Variants in FBH1 observed in about 807,000 individuals in gnomAD.
FBH1 encodes DNA 3'-5' helicase 1.
In FBH1, 43 loss-of-function variants were observed where a neutral mutation model predicts 115.5. That is an observed-to-expected ratio of 0.37 (90% CI 0.29 to 0.48). The LOEUF is 0.48. Among genes scored for constraint, FBH1 ranks in the 20% least tolerant of loss-of-function variants. The pLI, the probability that FBH1 is intolerant of heterozygous loss-of-function variation, is 0.99. For missense variants in FBH1, 1,001 were observed against 1,337.3 expected, an observed-to-expected ratio of 0.75 and a Z score of 3.92; for synonymous variants, 524 against 507.8, an observed-to-expected ratio of 1.03 and a Z score of -0.43.
Position 5,923,097 on chromosome 10 carries a change from G to A in FBH1, c.2323-524G>A, listed in dbSNP as rs899963964. Among the ~76,000 whole-genome samples, 7 of 152,164 alleles carry A rather than the reference G, an allele frequency of 4.6e-5. No individual in the cohort carries two copies. Among genetic ancestry groups the A allele is most frequent in the Non-Finnish European group, 8.8e-5 (6 of 68,038 alleles). The stretch of plus-strand genomic sequence containing the variant: ...GGGGTTTCACCATGTTGGCCAGGCT[G>A]GTCTTGAACTCCTGGCCTCAAGTGA... On this transcript the variant is annotated intron_variant, in intron 15 of 20. Coordinates refer to ENST00000362091, the MANE Select transcript of FBH1 (RefSeq NM_178150.3). This position sits in a 1 kb window ranked among gnomAD's most constrained non-coding sequence, Gnocchi z 5.7.
intron 15 of FBH1, among the ~76,000 whole-genome samples, chr10:5,922,497 G>T (rs998174969): frequency 6.6e-6 from 1 of 152,218 alleles, no homozygotes; most frequent in Non-Finnish European, 1.5e-5. Context: ...TGTTGTAAGA[G>T]TAGTATTTTT....
Position 5,933,841 on chromosome 10 carries a change from G to T in FBH1, c.2830-2615G>T, listed in dbSNP as rs1333693337. 1.3e-5 allele frequency among the ~76,000 whole-genome samples: 2 copies of T among 151,770 alleles called. No individual in the cohort carries two copies. Among genetic ancestry groups the T allele is most frequent in the Non-Finnish European group, 1.5e-5 (1 of 67,956 alleles). ...TTGGTATTTTTTTTTTGTTAAAGAC[G>T]AGGTTTCACCATGTTGGCCAGGCTG... is the stretch of plus-strand genomic sequence containing the variant. On this transcript the variant is annotated intron_variant, in intron 19 of 20. Coordinates refer to ENST00000362091, the MANE Select transcript of FBH1 (RefSeq NM_178150.3). The surrounding 1 kb of genome is among the most constrained non-coding windows in gnomAD (Gnocchi z 4.9).
chr10:5,895,054 A>C lies in FBH1; in HGVS notation c.1+4708A>C. 6.2e-7 allele frequency: 1 copy of C among 1,609,264 alleles called. No individual in the cohort carries two copies. Among genetic ancestry groups the C allele is most frequent in the Non-Finnish European group, 8.5e-7 (1 of 1,176,982 alleles). On this transcript the variant is annotated intron_variant, in intron 1 of 20. Coordinates refer to ENST00000362091, the MANE Select transcript of FBH1 (RefSeq NM_178150.3). This position sits in a 1 kb window ranked among gnomAD's most constrained non-coding sequence, Gnocchi z 5.0. ...TGAAATTGGGCCATTCCCGTTTCAC[A>C]GGCTGCCATTGGACCTGTCAAGTGC...
In FBH1 at chr10:5,917,349, A is replaced by C; in HGVS notation, c.1789-71A>C. On this transcript the variant is annotated intron_variant, in intron 10 of 20. Transcript: ENST00000362091. The surrounding 1 kb of genome is among the most constrained non-coding windows in gnomAD (Gnocchi z 5.6). The stretch of plus-strand genomic sequence containing the variant: ...TGGCTCCACTGCTGTATGGGAGTTG[A>C]CAGTGTGACCGCAGGGTGCTGCCTT... 1 of 1,285,914 alleles carries C rather than the reference A, an allele frequency of 7.8e-7. No individual in the cohort carries two copies. Among genetic ancestry groups the C allele is most frequent in the Non-Finnish European group, 1.1e-6 (1 of 892,594 alleles). The allele number at this position is 1,285,914 out of a possible 1,614,324, so 79.7% of individuals were successfully genotyped here.
At chr10:5,934,323 G>T (rs1833172002) in intron 19 of FBH1, 1 of 149,908 alleles carries the variant, frequency 6.7e-6, no homozygotes, top group South Asian at 2.1e-4. Flanking sequence ...TTATTACATT[G>T]TTGAGGTGTT....
chr10:5,910,208 G>T lies in FBH1; in HGVS notation c.1021-730G>T, dbSNP rs573351126. Among the ~76,000 whole-genome samples the T allele has an allele frequency of 5.9e-5, 9 of 151,944 alleles. No homozygotes were observed. The highest frequency in any genetic ancestry group is 1.2e-4 in the Non-Finnish European group (8 of 67,980). ...GAGACAAGCAAATTGCTTGAACCTGGCAAGCAGAGGTTGCGGTGAGCTGAG... is the reference window on the plus strand; with the variant it reads ...GAGACAAGCAAATTGCTTGAACCTGTCAAGCAGAGGTTGCGGTGAGCTGAG... On this transcript the variant is annotated intron_variant, in intron 5 of 20. Transcript: ENST00000362091. This position sits in a 1 kb window ranked among gnomAD's most constrained non-coding sequence, Gnocchi z 4.8.
Position 5,913,727 on chromosome 10 carries a change from TCTA to T in FBH1, c.1212-17_1212-15del. The T allele has an allele frequency of 6.6e-7, 1 of 1,512,416 alleles. No individual in the cohort carries two copies. The allele number at this position is 1,512,416 out of a possible 1,614,324, so 93.7% of individuals were successfully genotyped here. ...TGACTTGAATTTGAGACTTTCTAAATCTACTTTTTTTTCTGGTAGGATTCACTA... is the reference window on the plus strand; with the variant it reads ...TGACTTGAATTTGAGACTTTCTAAATCTTTTTTTTCTGGTAGGATTCACTA... On this transcript the variant is annotated splice_polypyrimidine_tract_variant and intron_variant, in intron 6 of 20. Transcript: ENST00000362091. This position sits in a 1 kb window ranked among gnomAD's most constrained non-coding sequence, Gnocchi z 4.4.
At position 5,923,877 on chromosome 10, in the gene FBH1, A is replaced by AT; in HGVS notation, c.2398+186dup. On this transcript the variant is annotated intron_variant, in intron 16 of 20. Coordinates refer to ENST00000362091, the MANE Select transcript of FBH1 (RefSeq NM_178150.3). This position sits in a 1 kb window ranked among gnomAD's most constrained non-coding sequence, Gnocchi z 5.7. ...CTCCTGTTTTCATAGGTACTGACAG[A>AT]TTTTTCCAGATCCTCCTCACAGGAG... 1.7e-6 allele frequency: 1 copy of AT among 598,980 alleles called. No individual in the cohort carries two copies. Among genetic ancestry groups the AT allele is most frequent in the Middle Eastern group, 4.3e-4 (1 of 2,326 alleles). 37.1% of individuals were successfully genotyped at this position (598,980 alleles called of 1,614,324 possible).
intron 15 of FBH1, among the ~76,000 whole-genome samples, chr10:5,922,786 A>G (rs1326063503): frequency 6.6e-6 from 1 of 152,240 alleles, no homozygotes; most frequent in Non-Finnish European, 1.5e-5. Context: ...TGCTCAGCAG[A>G]TGCTTTTGGA....
chr10:5,925,299 TATGTTTTTGTC>T lies in FBH1; in HGVS notation c.2597-65_2597-55del. 6.4e-7 allele frequency: 1 copy of T among 1,573,204 alleles called. No individual in the cohort carries two copies. Among genetic ancestry groups the T allele is most frequent in the Non-Finnish European group, 8.7e-7 (1 of 1,153,360 alleles). On this transcript the variant is annotated intron_variant, in intron 17 of 20. Transcript: ENST00000362091. The surrounding 1 kb of genome is among the most constrained non-coding windows in gnomAD (Gnocchi z 4.6). Reference sequence around the variant, plus strand: ...AGTTCAGAGTCAAGTGGGAAACATGTATGTTTTTGTCATCTTGTTTCTTTCCCTTTGAAGCA... The same window carrying T: ...AGTTCAGAGTCAAGTGGGAAACATGTATCTTGTTTCTTTCCCTTTGAAGCA...
intron 19 of FBH1, chr10:5,929,391 C>T (rs981328872): frequency 3.9e-5 from 6 of 152,174 alleles, no homozygotes; most frequent in African/African-American, 1.4e-4. Flanking sequence ...CTTAGGTAGG[C>T]TGACTTGGCC....
chr10:5,927,638 A>G, intron 19 of FBH1, 97 bp downstream of exon 19: 1 of 877,858 alleles, frequency 1.1e-6, no homozygotes, highest in Non-Finnish European at 1.8e-6. Flanking sequence ...CCTTCGGATC[A>G]AGATCCTGGG....
Position 5,895,224 on chromosome 10 carries a change from C to G in FBH1, c.1+4878C>G. On this transcript the variant is annotated intron_variant, in intron 1 of 20. Transcript: ENST00000362091. The surrounding 1 kb of genome is among the most constrained non-coding windows in gnomAD (Gnocchi z 5.0). Reference sequence around the variant, plus strand: ...GTGGGAAACTGACCAGGGCGGTTAGCTGACTCCAAAATTGTCCAGATTAGC... The same window carrying G: ...GTGGGAAACTGACCAGGGCGGTTAGGTGACTCCAAAATTGTCCAGATTAGC... 1 of 1,589,968 alleles carries G rather than the reference C, an allele frequency of 6.3e-7. No homozygotes were observed. Among genetic ancestry groups the G allele is most frequent in the Non-Finnish European group, 8.6e-7 (1 of 1,164,578 alleles).
intron 1 of FBH1, chr10:5,891,147 A>G (rs1842698339): frequency 2.0e-6 from 2 of 985,708 alleles, no homozygotes; most frequent in Non-Finnish European, 2.4e-6. Flanking sequence ...GCAGGATGGT[A>G]GCATGTGTTG....
chr10:5,890,218 A>G, upstream of FBH1: 1 of 348,190 alleles, frequency 2.9e-6, no homozygotes. Context: ...TCGCGGAGGA[A>G]GTCGGCGGGC....
At chr10:5,905,932 A>G (rs1466432977) in intron 2 of FBH1, 105 bp from the exon 3 acceptor site, 2 of 762,170 alleles carry the variant, frequency 2.6e-6, no homozygotes, top group Non-Finnish European at 4.3e-6. Context: ...ATCTCTTTCC[A>G]CTATTAACAT....
At position 5,924,998 on chromosome 10, in the gene FBH1, G is replaced by A. The variant is rs1832554300; in HGVS notation, c.2597-369G>A. 6.6e-6 allele frequency among the ~76,000 whole-genome samples: 1 copy of A among 152,120 alleles called. No homozygotes were observed. The highest frequency in any genetic ancestry group is 1.5e-5 in the Non-Finnish European group (1 of 68,024). On this transcript the variant is annotated intron_variant, in intron 17 of 20. Coordinates refer to ENST00000362091, the MANE Select transcript of FBH1 (RefSeq NM_178150.3). The surrounding 1 kb of genome is among the most constrained non-coding windows in gnomAD (Gnocchi z 6.2). Reference sequence around the variant, plus strand: ...TGTTCTACTTTCAAGCCCGTACAATGGGATTTTCTAGTCCCAGCTCTGCCA... The same window carrying A: ...TGTTCTACTTTCAAGCCCGTACAATAGGATTTTCTAGTCCCAGCTCTGCCA...
Position 5,937,406 on chromosome 10 carries a change from G to T in FBH1, c.*126G>T, listed in dbSNP as rs1446602317. The T allele has an allele frequency of 2.8e-6, 3 of 1,088,256 alleles. No individual in the cohort carries two copies. The highest frequency in any genetic ancestry group is 3.7e-6 in the Non-Finnish European group (3 of 813,330). 67.4% of individuals were successfully genotyped at this position (1,088,256 alleles called of 1,614,324 possible). ...ACCCACAGCACTTTCTGAGGAAGAGGACACCAGCCCAAGCTGGACCTGCCA... is the reference window on the plus strand; with the variant it reads ...ACCCACAGCACTTTCTGAGGAAGAGTACACCAGCCCAAGCTGGACCTGCCA... On this transcript the variant is annotated 3_prime_UTR_variant, in exon 21 of 21. Transcript: ENST00000362091.
rs546383784 is a variant in FBH1, at chr10:5,915,361, G to A, written c.1397-42G>A. The A allele has an allele frequency of 1.2e-6, 2 of 1,607,312 alleles. No homozygotes were observed. Among genetic ancestry groups the A allele is most frequent in the Non-Finnish European group, 1.7e-6 (2 of 1,175,906 alleles). ...GATTGGGGATCCCTGGGCATGTCTTGTCTGGTCAGAGGGTCACCTCCTTTC... is the reference window on the plus strand; with the variant it reads ...GATTGGGGATCCCTGGGCATGTCTTATCTGGTCAGAGGGTCACCTCCTTTC... On this transcript the variant is annotated intron_variant, in intron 8 of 20. Coordinates refer to ENST00000362091, the MANE Select transcript of FBH1 (RefSeq NM_178150.3). This position sits in a 1 kb window ranked among gnomAD's most constrained non-coding sequence, Gnocchi z 5.2.
Sources: allele counts gnomAD v4.1 joint callset (sites outside exome capture counted in the v4.1 genomes callset), GRCh38; gene constraint gnomAD v4.1.1; non-coding constraint Gnocchi (gnomAD v3.1); transcripts MANE v1.5; gene names NCBI Gene and HGNC (gene_info 2026-07-23, HGNC 2026-07-21).